PCDHGA10: variants seen among roughly 807,000 people sequenced by gnomAD.
PCDHGA10 encodes the protein protocadherin gamma subfamily A, 10.
A neutral mutation model predicts 59.5 loss-of-function variants in PCDHGA10; 42 were observed. That is an observed-to-expected ratio of 0.71 (90% confidence interval 0.55 to 0.91). The LOEUF is 0.91. Among genes scored for constraint, PCDHGA10 ranks in the 40% least tolerant of loss-of-function variants. The pLI, the probability that PCDHGA10 is intolerant of heterozygous loss-of-function variation, is 0.00. For synonymous variants in PCDHGA10, 511 were observed against 517.2 expected, an observed-to-expected ratio of 0.99 and a Z score of 0.16; for missense variants, 1,111 against 1,198.2, an observed-to-expected ratio of 0.93 and a Z score of 1.07.
chr5:141,427,881 C>T (rs774499492), intron 1 of PCDHGA10: 6 of 1,563,720 alleles, frequency 3.8e-6, no homozygotes, highest in South Asian at 3.3e-5. Context: ...GATGCAGGCC[C>T]ACGACCAGGG....
At chr5:141,505,977 G>A (rs944259753) in intron 3 of PCDHGA10, among the ~76,000 whole-genome samples, 1 of 152,150 alleles carries the variant, frequency 6.6e-6, no homozygotes, top group East Asian at 1.9e-4. Flanking sequence ...CCAGCCGAGA[G>A]AACACCTCCT....
rs770685748 is a variant in PCDHGA10 at position 141,486,601 on chromosome 5, C to T, written c.2437-8206C>T. 9 of 1,613,558 alleles carry T rather than the reference C, an allele frequency of 5.6e-6. No homozygotes were observed. The highest frequency in any genetic ancestry group is 7.6e-6 in the Non-Finnish European group (9 of 1,180,024). On this transcript the variant is annotated intron_variant, in intron 1 of 3. Transcript: ENST00000398610. This position sits in a 1 kb window ranked among gnomAD's most constrained non-coding sequence, Gnocchi z 5.0. ...ATCGCCCAGGGGACCTGCTTTGCTC[C>T]CTTGCAGCCTCTGACCCAGACTCTG...
Position 141,489,560 on chromosome 5 carries a change from A to G in PCDHGA10, c.2437-5247A>G. On this transcript the variant is annotated intron_variant, in intron 1 of 3. Coordinates refer to ENST00000398610, the MANE Select transcript of PCDHGA10 (RefSeq NM_018913.3). The surrounding 1 kb of genome is among the most constrained non-coding windows in gnomAD (Gnocchi z 4.5). Reference sequence around the variant, plus strand: ...AGCACCAGCTGCCTGCTGCCAGTGCAGGTGGTGACTGAACACCCCCTGGAG... The same window carrying G: ...AGCACCAGCTGCCTGCTGCCAGTGCGGGTGGTGACTGAACACCCCCTGGAG... 1.2e-6 allele frequency: 2 copies of G among 1,614,142 alleles called. No homozygotes were observed. The highest frequency in any genetic ancestry group is 1.7e-6 in the Non-Finnish European group (2 of 1,180,030).
chr5:141,415,750 T>G lies in PCDHGA10; in HGVS notation c.2436+139T>G, dbSNP rs758016978. 309 of 1,313,170 alleles carry G rather than the reference T, an allele frequency of 2.4e-4. No individual in the cohort carries two copies. In the East Asian group the frequency reaches 2.9e-3, roughly 12 times the overall value. 81.3% of individuals were successfully genotyped at this position (1,313,170 alleles called of 1,614,324 possible). On this transcript the variant is annotated intron_variant, in intron 1 of 3. Coordinates refer to ENST00000398610, the MANE Select transcript of PCDHGA10 (RefSeq NM_018913.3). Reference sequence around the variant, plus strand: ...TTGATGTTTATTAAGGTTTTTTTTTTTTTTTTTTTTTTTTTTTTTTTTACT... The same window carrying G: ...TTGATGTTTATTAAGGTTTTTTTTTGTTTTTTTTTTTTTTTTTTTTTTACT...
rs1409333356 is a variant in PCDHGA10 at position 141,418,996 on chromosome 5, T to C, written c.2436+3385T>C. On this transcript the variant is annotated intron_variant, in intron 1 of 3. Coordinates refer to ENST00000398610, the MANE Select transcript of PCDHGA10 (RefSeq NM_018913.3). ...CACGGGACCAAGACTCAGGGGAAAATGGGGAAGTCAGGTGTAGCTTAAGTA... is the reference window on the plus strand; with the variant it reads ...CACGGGACCAAGACTCAGGGGAAAACGGGGAAGTCAGGTGTAGCTTAAGTA... 3.3e-5 allele frequency: 54 copies of C among 1,613,756 alleles called. 1 individual carries two copies. The East Asian group carries it at 1.0e-3, about 30-fold the overall frequency.
chr5:141,427,971 C>T (rs764145525), intron 1 of PCDHGA10: 1 of 1,593,512 alleles, frequency 6.3e-7, no homozygotes, highest in African/African-American at 1.3e-5. Flanking sequence ...GGTGCTGTAC[C>T]CCGCGCTGGG....
intron 1 of PCDHGA10, chr5:141,427,415 T>G: frequency 2.1e-6 from 1 of 465,414 alleles, no homozygotes; most frequent in Non-Finnish European, 4.3e-6. Context: ...CGAGAGAAAA[T>G]GGGGAGGTTA....
At chr5:141,419,316 G>T in intron 1 of PCDHGA10, 2 of 1,613,994 alleles carry the variant, frequency 1.2e-6, no homozygotes, top group Non-Finnish European at 1.7e-6. Context: ...CTCAACGGCC[G>T]TGTCTCCTAC....
rs1222364302 is a variant in PCDHGA10, at chr5:141,414,920, C to T, written c.1745C>T (p.Ala582Val). The change falls in exon 1 of 4, where the codon GCG (alanine) becomes GTG (valine). Residue 582 changes from alanine (A) to valine (V), a missense_variant. Ala to Val is a moderately conservative substitution (Grantham distance 64). Coordinates refer to ENST00000398610, the MANE Select transcript of PCDHGA10 (RefSeq NM_018913.3). ...GACGGTTCCACAGGCGTGGAGCTGG[C>T]GCCCCGCTCCGCAGAGCCCGGCTAC... ...PTDGSTGVEL[A>V]PRSAEPGYLV... 2.5e-6 allele frequency: 4 copies of T among 1,614,146 alleles called. No individual in the cohort carries two copies. The South Asian group carries it at 3.3e-5, about 13-fold the overall frequency.
chr5:141,470,358 A>G (rs1263824284), intron 1 of PCDHGA10, among the ~76,000 whole-genome samples: 2 of 152,174 alleles, frequency 1.3e-5, no homozygotes, highest in African/African-American at 4.8e-5. Context: ...AAATAGACAC[A>G]TTAGGTTGAA....
chr5:141,501,292 C>CACAT (rs200296563), intron 2 of PCDHGA10, among the ~76,000 whole-genome samples: 14,029 of 50,334 alleles, frequency 0.28, 723 homozygotes, highest in Admixed American at 0.4. Flanking sequence ...TTCCCTTATA[C>CACAT]ACACACACAC....
intron 1 of PCDHGA10, chr5:141,423,860 G>A: frequency 7.8e-7 from 1 of 1,283,074 alleles, no homozygotes; most frequent in Non-Finnish European, 9.9e-7. Context: ...ACGTTTTTGT[G>A]AAAGTCATTT....
chr5:141,457,273 G>A (rs746102734), intron 1 of PCDHGA10, among the ~76,000 whole-genome samples: 7 of 152,144 alleles, frequency 4.6e-5, no homozygotes, highest in Admixed American at 1.3e-4. Context: ...CCCTCTGTGG[G>A]CCTACGAAGT....
At chr5:141,500,222 T>TGA (rs1355843194) in intron 2 of PCDHGA10, among the ~76,000 whole-genome samples, 1 of 146,758 alleles carries the variant, frequency 6.8e-6, no homozygotes, top group Non-Finnish European at 1.5e-5. Flanking sequence ...ATTTATTTAT[T>TGA]TATTGATACG....
intron 1 of PCDHGA10, among the ~76,000 whole-genome samples, chr5:141,437,499 CA>C (rs2097890101): frequency 6.6e-6 from 1 of 152,076 alleles, no homozygotes; most frequent in African/African-American, 2.4e-5. Context: ...GATCACTTTT[CA>C]ATGAATTATA....
chr5:141,432,128 T>C lies in PCDHGA10; in HGVS notation c.2436+16517T>C. 3 of 1,614,080 alleles carry C rather than the reference T, an allele frequency of 1.9e-6. No homozygotes were observed. Among genetic ancestry groups the C allele is most frequent in the Non-Finnish European group, 2.5e-6 (3 of 1,180,016 alleles). On this transcript the variant is annotated intron_variant, in intron 1 of 3. Coordinates refer to ENST00000398610, the MANE Select transcript of PCDHGA10 (RefSeq NM_018913.3). This position sits in a 1 kb window ranked among gnomAD's most constrained non-coding sequence, Gnocchi z 6.0. ...CCCGCCGGTCTTCCCTCAGGCCTCC[T>C]ATTCCGCTTATATCCCAGAGAACAA... is the stretch of plus-strand genomic sequence containing the variant.
At chr5:141,418,392 T>C (rs753094664) in intron 1 of PCDHGA10, 1 of 1,613,996 alleles carries the variant, frequency 6.2e-7, no homozygotes, top group Non-Finnish European at 8.5e-7. Context: ...AACGAGTATT[T>C]CTCATTGGTG....
chr5:141,511,733 T>C lies in PCDHGA10; in HGVS notation c.*560T>C, dbSNP rs1032711521. 9 of 177,040 alleles carry C rather than the reference T, an allele frequency of 5.1e-5. No individual in the cohort carries two copies. The highest frequency in any genetic ancestry group is 8.7e-5 in the Non-Finnish European group (7 of 80,868). The allele number at this position is 177,040 out of a possible 1,614,324, so 11.0% of individuals were successfully genotyped here. ...TCCTTCCAGAGCCCAAGATCAATGC[T>C]CAAGTTTTGGAGGACATGATCACCA... On this transcript the variant is annotated 3_prime_UTR_variant, in exon 4 of 4. Transcript: ENST00000398610.
chr5:141,505,246 G>C, intron 2 of PCDHGA10, 147 bp from the exon 3 acceptor site: 2 of 1,436,674 alleles, frequency 1.4e-6, no homozygotes, highest in Non-Finnish European at 1.9e-6. Flanking sequence ...AAGGATTGTA[G>C]AAGTGCCTCC....
Sources: allele counts gnomAD v4.1 joint callset (sites outside exome capture counted in the v4.1 genomes callset), GRCh38; gene constraint gnomAD v4.1.1; non-coding constraint Gnocchi (gnomAD v3.1); transcripts MANE v1.5; gene names NCBI Gene and HGNC (gene_info 2026-07-23, HGNC 2026-07-21).